RIN2: variants seen among roughly 807,000 people sequenced by gnomAD.
The protein encoded by RIN2 is Ras and Rab interactor 2.
A neutral mutation model predicts 78.0 loss-of-function variants in RIN2; 36 were observed. That is an observed-to-expected ratio of 0.46 (90% CI 0.35 to 0.61). The LOEUF (loss-of-function observed/expected upper bound fraction) is 0.61. RIN2 is among the 20% of genes least tolerant of loss of function. RIN2 has a pLI of 0.00. For missense variants in RIN2, 1,087 were observed against 1,159.7 expected, an observed-to-expected ratio of 0.94 and a Z score of 0.91; for synonymous variants, 466 against 466.8, an observed-to-expected ratio of 1.00 and a Z score of 0.02.
intron 8 of RIN2, among the ~76,000 whole-genome samples, chr20:19,973,556 A>G (rs571826725): frequency 6.6e-6 from 1 of 152,352 alleles, no homozygotes. Context: ...TGGGAGGCCA[A>G]GGCAGGTGGA....
intron 3 of RIN2, among the ~76,000 whole-genome samples, chr20:19,905,688 C>T (rs1260531924): frequency 6.6e-6 from 1 of 152,086 alleles, no homozygotes; most frequent in Non-Finnish European, 1.5e-5. Context: ...TTCAAGGCTG[C>T]AGCCACTGCA....
chr20:19,801,349 CTT>C (rs1462091972), intron 2 of RIN2, among the ~76,000 whole-genome samples: 1 of 151,830 alleles, frequency 6.6e-6, no homozygotes, highest in Admixed American at 6.6e-5. Context: ...GAGACAGAGT[CTT>C]GCTCTGTCAC....
At chr20:19,983,706 G>A (rs1010248983) in intron 9 of RIN2, among the ~76,000 whole-genome samples, 6 of 152,236 alleles carry the variant, frequency 3.9e-5, no homozygotes, top group Middle Eastern at 3.4e-3. Context: ...TAGGAAGTAC[G>A]CATGCAGAAT....
At chr20:19,872,078 C>T (rs748261808) in intron 2 of RIN2, 3 of 151,994 alleles carry the variant, frequency 2.0e-5, no homozygotes, top group African/African-American at 7.3e-5. Context: ...GGGGCAGTTT[C>T]CCCCATGCCT....
intron 8 of RIN2, among the ~76,000 whole-genome samples, chr20:19,974,445 C>A (rs888835388): frequency 1.3e-5 from 2 of 152,178 alleles, no homozygotes; most frequent in African/African-American, 4.8e-5. Flanking sequence ...AGGTGACAGA[C>A]CCCTGGAGCC....
chr20:19,894,055 G>A (rs113052262), intron 3 of RIN2, among the ~76,000 whole-genome samples: 1,855 of 152,302 alleles, frequency 0.012, 38 homozygotes, highest in African/African-American at 0.039. Flanking sequence ...CTGGGCAACA[G>A]AGCAAGACTG....
chr20:19,770,202 C>T (rs911975633), intron 1 of RIN2, among the ~76,000 whole-genome samples: 2 of 152,054 alleles, frequency 1.3e-5, no homozygotes, highest in Admixed American at 1.3e-4. Context: ...GATGCTTTTA[C>T]AAAATAAATA....
chr20:19,985,561 T>A (rs1196229974), intron 9 of RIN2, among the ~76,000 whole-genome samples: 1 of 152,202 alleles, frequency 6.6e-6, no homozygotes, highest in Non-Finnish European at 1.5e-5. Flanking sequence ...ATTTGCTTGT[T>A]ACTAGAAAAA....
chr20:19,925,800 A>C (rs2040199226), intron 3 of RIN2, among the ~76,000 whole-genome samples: 1 of 152,202 alleles, frequency 6.6e-6, no homozygotes, highest in Non-Finnish European at 1.5e-5. Flanking sequence ...GGGCACAGCC[A>C]CCCGGGGAGC....
chr20:19,906,808 G>C (rs1019475500), intron 3 of RIN2, among the ~76,000 whole-genome samples: 1 of 152,226 alleles, frequency 6.6e-6, no homozygotes. Flanking sequence ...ACAAGCCCAT[G>C]TGAAGCAAAC....
At chr20:19,777,641 A>C (rs527729891) in intron 1 of RIN2, among the ~76,000 whole-genome samples, 1 of 152,320 alleles carries the variant, frequency 6.6e-6, no homozygotes, top group African/African-American at 2.4e-5. Context: ...TTTTTCTTAT[A>C]CTAGTTTGTA....
intron 2 of RIN2, among the ~76,000 whole-genome samples, chr20:19,840,286 C>T (rs1210102932): frequency 1.3e-5 from 2 of 152,162 alleles, no homozygotes; most frequent in African/African-American, 4.8e-5. Context: ...CACTCCTTTT[C>T]CCTGGTGCCA....
At chr20:19,955,040 C>T (rs1184595281) in intron 4 of RIN2, among the ~76,000 whole-genome samples, 1 of 152,156 alleles carries the variant, frequency 6.6e-6, no homozygotes, top group African/African-American at 2.4e-5. Flanking sequence ...ATTATCACCA[C>T]TCTCTAATAC....
At position 19,846,701 on chromosome 20, in the gene RIN2, A is replaced by G. The variant is rs543294117; in HGVS notation, c.-36-42865A>G. Among the ~76,000 whole-genome samples the G allele has an allele frequency of 3.0e-4, 46 of 152,318 alleles. 1 individual carries two copies. The highest frequency in any genetic ancestry group is 2.7e-3 in the Admixed American group (42 of 15,294). ...TGATTTCCTCTCTTCCTATTTGAAT[A>G]TGCTTTATTTCTTTCTCTTGCCTGA... On this transcript the variant is annotated intron_variant, in intron 2 of 12. Coordinates refer to ENST00000255006, the MANE Select transcript of RIN2 (RefSeq NM_018993.4).
chr20:19,944,734 C>T (rs2041018486), intron 4 of RIN2, among the ~76,000 whole-genome samples: 1 of 151,688 alleles, frequency 6.6e-6, no homozygotes, highest in Non-Finnish European at 1.5e-5. Flanking sequence ...ATGGCAATAC[C>T]AGAGTCCAGG....
At chr20:19,860,041 C>T (rs1157735987) in intron 2 of RIN2, among the ~76,000 whole-genome samples, 1 of 152,184 alleles carries the variant, frequency 6.6e-6, no homozygotes, top group African/African-American at 2.4e-5. Context: ...AGAGCACAAG[C>T]TTCAGAGTCA....
intron 3 of RIN2, among the ~76,000 whole-genome samples, chr20:19,931,573 G>A (rs1208091992): frequency 6.6e-6 from 1 of 152,154 alleles, no homozygotes; most frequent in Non-Finnish European, 1.5e-5. Flanking sequence ...GGGTGTACAG[G>A]TGATATTTTA....
intron 2 of RIN2, chr20:19,886,556 C>T: frequency 1.6e-6 from 1 of 635,518 alleles, no homozygotes; most frequent in Non-Finnish European, 2.8e-6. Context: ...TTGGCAGCTC[C>T]CAAATGTTTG....
At chr20:19,808,404 C>T (rs1361967708) in intron 2 of RIN2, among the ~76,000 whole-genome samples, 1 of 152,212 alleles carries the variant, frequency 6.6e-6, no homozygotes, top group East Asian at 1.9e-4. Flanking sequence ...TGTGGCATGG[C>T]CCTGCTTTGA....
Sources: gnomAD v4.1 joint callset for allele counts (sites outside exome capture counted in the v4.1 genomes callset) on GRCh38, gnomAD v4.1.1 for gene constraint, MANE v1.5 for transcripts, NCBI Gene and HGNC (gene_info 2026-07-23, HGNC 2026-07-21) for gene names.